Variants in BMP8A observed in about 807,000 individuals in gnomAD.
The protein encoded by BMP8A is BMP-8A.
In BMP8A, 14 loss-of-function variants were observed where a neutral mutation model predicts 36.8. That is an observed-to-expected ratio of 0.38 (90% CI 0.25 to 0.60). BMP8A has a LOEUF of 0.60. BMP8A is among the 20% of genes least tolerant of loss of function. BMP8A has a pLI of 0.63. For missense variants in BMP8A, 267 were observed against 551.1 expected, an observed-to-expected ratio of 0.48 and a Z score of 5.16; for synonymous variants, 120 against 237.7, an observed-to-expected ratio of 0.50 and a Z score of 4.55.
At chr1:39,494,031 C>T (rs1471068718) in intron 1 of BMP8A, among the ~76,000 whole-genome samples, 1 of 152,248 alleles carries the variant, frequency 6.6e-6, no homozygotes, top group Admixed American at 6.5e-5. Context: ...GCCTTGGTTG[C>T]TCCTTATAAA....
chr1:39,501,397 C>T (rs1336945821), intron 1 of BMP8A, among the ~76,000 whole-genome samples: 1 of 152,188 alleles, frequency 6.6e-6, no homozygotes, highest in Non-Finnish European at 1.5e-5. Context: ...GACGGAGTCT[C>T]ACCCTGGAGT....
rs533155553 is a variant in BMP8A at position 39,500,529 on chromosome 1, G to A, written c.334+8204G>A. Among the ~76,000 whole-genome samples the A allele has an allele frequency of 2.0e-5, 3 of 149,102 alleles. No individual in the cohort carries two copies. The Admixed American group carries it at 2.0e-4, about 10-fold the overall frequency. ...GAGAAACCTGTTCAAGGTGACCCGT[G>A]TTTGATAGTGATGATGATGATGGGC... On this transcript the variant is annotated intron_variant, in intron 1 of 6. Transcript: ENST00000331593.
At chr1:39,510,599 T>C (rs1645344755) in intron 1 of BMP8A, among the ~76,000 whole-genome samples, 2 of 151,208 alleles carry the variant, frequency 1.3e-5, no homozygotes, top group African/African-American at 2.4e-5. Flanking sequence ...AGGGCCCGTC[T>C]CCCTGACACC....
At position 39,526,679 on chromosome 1, in the gene BMP8A, C is replaced by A. The variant is rs1196412850; in HGVS notation, c.*881C>A. 6.6e-6 allele frequency among the ~76,000 whole-genome samples: 1 copy of A among 152,168 alleles called. No homozygotes were observed. Among genetic ancestry groups the A allele is most frequent in the Non-Finnish European group, 1.5e-5 (1 of 68,028 alleles). On this transcript the variant is annotated 3_prime_UTR_variant, in exon 7 of 7. Coordinates refer to ENST00000331593, the MANE Select transcript of BMP8A (RefSeq NM_181809.4). ...GTCATGTGTATTCCCTTGCCCTGGG[C>A]CTGCCCCTTCTCCTGCCTGGGAAAG...
intron 3 of BMP8A, among the ~76,000 whole-genome samples, chr1:39,518,288 AG>A (rs1645408538): frequency 7.0e-6 from 1 of 142,452 alleles, no homozygotes; most frequent in Admixed American, 7.0e-5. Context: ...CCTGCAGGAA[AG>A]GCCAGATCCT....
chr1:39,500,840 G>A (rs963484410), intron 1 of BMP8A, among the ~76,000 whole-genome samples: 2 of 152,038 alleles, frequency 1.3e-5, no homozygotes, highest in Non-Finnish European at 2.9e-5. Context: ...TTTTAGTAGA[G>A]ACAGGGTTTC....
intron 1 of BMP8A, among the ~76,000 whole-genome samples, chr1:39,498,190 G>C (rs1645222077): frequency 6.6e-6 from 1 of 152,282 alleles, no homozygotes; most frequent in South Asian, 2.1e-4. Flanking sequence ...TTCCAGCTCT[G>C]ACCAAAGAAT....
chr1:39,523,645 T>C, intron 6 of BMP8A: 5 of 1,451,518 alleles, frequency 3.4e-6, no homozygotes, highest in Non-Finnish European at 4.5e-6. Flanking sequence ...CTCTTGGCTG[T>C]CTGTGTTTTC....
intron 1 of BMP8A, among the ~76,000 whole-genome samples, chr1:39,498,658 A>C (rs1266593742): frequency 6.6e-6 from 1 of 152,042 alleles, no homozygotes; most frequent in Non-Finnish European, 1.5e-5. Flanking sequence ...CAGAACCAAC[A>C]GGTCATGAGT....
chr1:39,496,524 G>T (rs1645206663), intron 1 of BMP8A, among the ~76,000 whole-genome samples: 1 of 152,082 alleles, frequency 6.6e-6, no homozygotes, highest in African/African-American at 2.4e-5. Flanking sequence ...CTGTAAAATG[G>T]AGATACTCAT....
At position 39,522,730 on chromosome 1, in the gene BMP8A, G is replaced by A. The variant is rs549558861; in HGVS notation, c.948+248G>A. Among the ~76,000 whole-genome samples, 6 of 152,248 alleles carry A rather than the reference G, an allele frequency of 3.9e-5. No homozygotes were observed. The East Asian group carries it at 7.7e-4, about 20-fold the overall frequency. On this transcript the variant is annotated intron_variant, in intron 5 of 6. Coordinates refer to ENST00000331593, the MANE Select transcript of BMP8A (RefSeq NM_181809.4). ...AACCAACTAAGCTGTCAGCATTGCC[G>A]CAGGGTAACTGAGACCTCCCTGCAT... is the stretch of plus-strand genomic sequence containing the variant.
At position 39,491,912 on chromosome 1, in the gene BMP8A, C is replaced by T; in HGVS notation, c.-80C>T. On this transcript the variant is annotated 5_prime_UTR_variant, in exon 1 of 7. Coordinates refer to ENST00000331593, the MANE Select transcript of BMP8A (RefSeq NM_181809.4). The stretch of plus-strand genomic sequence containing the variant: ...GCCCCCTGCTCGCCGAACTCAGCTC[C>T]CCGTTCGCCGTCGGGGCGTCCCCGG... 9.7e-7 allele frequency: 1 copy of T among 1,032,904 alleles called. No individual in the cohort carries two copies. The highest frequency in any genetic ancestry group is 1.2e-6 in the Non-Finnish European group (1 of 859,480). 64.0% of individuals were successfully genotyped at this position (1,032,904 alleles called of 1,614,324 possible).
rs775559898 is a variant in BMP8A, at chr1:39,492,344, G to T, written c.334+19G>T. 4 of 1,536,134 alleles carry T rather than the reference G, an allele frequency of 2.6e-6. No individual in the cohort carries two copies. In the East Asian group the frequency reaches 7.5e-5, roughly 29 times the overall value. ...AACATGGGTGAGTGCGGCCGCCCGC[G>T]CGGGGACCCTCGGAGTAAGCTGGCT... On this transcript the variant is annotated intron_variant, in intron 1 of 6. Transcript: ENST00000331593.
chr1:39,506,709 C>T (rs77036441), intron 1 of BMP8A, among the ~76,000 whole-genome samples: 1 of 152,082 alleles, frequency 6.6e-6, no homozygotes, highest in Admixed American at 6.5e-5. Flanking sequence ...TCCCAGCCCC[C>T]CTTCTTTGTG....
At position 39,525,910 on chromosome 1, in the gene BMP8A, A is replaced by G; in HGVS notation, c.*112A>G. ...TCAAGCAGGAGTGTCAGGGGCCCTCACTCTCGGTGCCTACTTCCTGTCAGG... is the reference window on the plus strand; with the variant it reads ...TCAAGCAGGAGTGTCAGGGGCCCTCGCTCTCGGTGCCTACTTCCTGTCAGG... On this transcript the variant is annotated 3_prime_UTR_variant, in exon 7 of 7. Coordinates refer to ENST00000331593, the MANE Select transcript of BMP8A (RefSeq NM_181809.4). 2 of 1,480,306 alleles carry G rather than the reference A, an allele frequency of 1.4e-6. No homozygotes were observed. The highest frequency in any genetic ancestry group is 1.9e-5 in the Admixed American group (1 of 52,800). The allele number at this position is 1,480,306 out of a possible 1,614,324, so 91.7% of individuals were successfully genotyped here.
chr1:39,504,106 T>C (rs1419551213), intron 1 of BMP8A, among the ~76,000 whole-genome samples: 1 of 152,172 alleles, frequency 6.6e-6, no homozygotes. Flanking sequence ...ATTGTCCCAT[T>C]TGATGCTCTG....
In BMP8A at chr1:39,522,585, A is replaced by G. The variant is rs187060155; in HGVS notation, c.948+103A>G. 1,939 of 1,321,082 alleles carry G rather than the reference A, an allele frequency of 1.5e-3. 19 individuals are homozygous for G. The African/African-American group carries it at 0.022, about 15-fold the overall frequency. 81.8% of individuals were successfully genotyped at this position (1,321,082 alleles called of 1,614,324 possible). A position where few individuals can be genotyped will look rare whatever the true frequency, so the allele number is the denominator to read the frequency against. On this transcript the variant is annotated intron_variant, in intron 5 of 6. Coordinates refer to ENST00000331593, the MANE Select transcript of BMP8A (RefSeq NM_181809.4). Reference sequence around the variant, plus strand: ...GAATCATGGTGACTTCAATTTTCTTATGTATTTTTTTCTTCTGTGTTTTCC... The same window carrying G: ...GAATCATGGTGACTTCAATTTTCTTGTGTATTTTTTTCTTCTGTGTTTTCC...
Position 39,529,193 on chromosome 1 carries a change from G to A in BMP8A, c.*3395G>A, listed in dbSNP as rs1356483320. 1 of 152,246 alleles carries A rather than the reference G, an allele frequency of 6.6e-6. No individual in the cohort carries two copies. Among genetic ancestry groups the A allele is most frequent in the East Asian group, 1.9e-4 (1 of 5,200 alleles). The allele number at this position is 152,246 out of a possible 1,614,324, so 9.4% of individuals were successfully genotyped here. A position where few individuals can be genotyped will look rare whatever the true frequency, so the allele number is the denominator to read the frequency against. ...TGGAATAAACAGCAATTCTGAGCAG[G>A]CTCATTTTAAAGGGACTTGCAAATT... On this transcript the variant is annotated 3_prime_UTR_variant, in exon 7 of 7. Coordinates refer to ENST00000331593, the MANE Select transcript of BMP8A (RefSeq NM_181809.4).
chr1:39,495,046 G>A lies in BMP8A; in HGVS notation c.334+2721G>A, dbSNP rs1258990091. Among the ~76,000 whole-genome samples the A allele has an allele frequency of 3.9e-5, 6 of 152,162 alleles. No individual in the cohort carries two copies. In the South Asian group the frequency reaches 8.3e-4, roughly 21 times the overall value. The stretch of plus-strand genomic sequence containing the variant: ...GGGTGGGTGGGGGGTGGATAGACAC[G>A]TACCAGGATGCTCTCAGTGTTTGGA... On this transcript the variant is annotated intron_variant, in intron 1 of 6. Transcript: ENST00000331593.
Sources: allele counts gnomAD v4.1 joint callset (sites outside exome capture counted in the v4.1 genomes callset), GRCh38; gene constraint gnomAD v4.1.1; transcripts MANE v1.5; gene names NCBI Gene and HGNC (gene_info 2026-07-23, HGNC 2026-07-21).